The following NOL4 variants were observed in gnomAD, a reference collection of about 807,000 sequenced individuals.
NOL4 encodes the protein cancer/testis antigen 125.
In NOL4, 17 loss-of-function variants were observed where a neutral mutation model predicts 75.9. The ratio of observed to expected loss-of-function variants is 0.22; its 90% CI spans 0.15 to 0.34. The LOEUF (loss-of-function observed/expected upper bound fraction) is 0.34. Ranked by LOEUF, NOL4 falls within the 10% of genes least tolerant of loss-of-function variation. The pLI, the probability that NOL4 is intolerant of heterozygous loss-of-function variation, is 1.00. For missense variants in NOL4, 614 were observed against 793.5 expected, an observed-to-expected ratio of 0.77 and a Z score of 2.72; for synonymous variants, 292 against 289.9, an observed-to-expected ratio of 1.01 and a Z score of -0.07.
intron 9 of NOL4, among the ~76,000 whole-genome samples, chr18:33,915,942 T>C (rs760869230): frequency 2.6e-5 from 4 of 152,108 alleles, no homozygotes; most frequent in Non-Finnish European, 4.4e-5. Flanking sequence ...ATAAAATTTA[T>C]TCCCAAATTG....
At chr18:34,066,226 T>A (rs2077269982) in intron 5 of NOL4, among the ~76,000 whole-genome samples, 1 of 152,002 alleles carries the variant, frequency 6.6e-6, no homozygotes, top group Non-Finnish European at 1.5e-5. Flanking sequence ...CATTTTCTTT[T>A]CTGCAAAGTT....
chr18:34,100,750 C>T lies in NOL4; in HGVS notation c.639+3297G>A, dbSNP rs77769868. ...ACTACCTTGGTAGTATCTTCAGTCTCATGGCTTCACACACTATCTGCCGAT... is the reference window on the plus strand; with the variant it reads ...ACTACCTTGGTAGTATCTTCAGTCTTATGGCTTCACACACTATCTGCCGAT... On this transcript the variant is annotated intron_variant, in intron 4 of 10. Coordinates refer to ENST00000261592, the MANE Select transcript of NOL4 (RefSeq NM_003787.5). 3.6e-4 allele frequency among the ~76,000 whole-genome samples: 55 copies of T among 152,242 alleles called. No individual in the cohort carries two copies. In the East Asian group the frequency reaches 9.1e-3, roughly 25 times the overall value.
intron 5 of NOL4, among the ~76,000 whole-genome samples, chr18:34,034,551 C>A (rs2075794975): frequency 6.6e-6 from 1 of 152,066 alleles, no homozygotes; most frequent in Non-Finnish European, 1.5e-5. Flanking sequence ...CCAGCCTGGC[C>A]AACACAGCAA....
At chr18:34,159,354 G>A (rs2031055505) in intron 1 of NOL4, among the ~76,000 whole-genome samples, 1 of 152,084 alleles carries the variant, frequency 6.6e-6, no homozygotes, top group Non-Finnish European at 1.5e-5. Context: ...GACGTCCCCC[G>A]CCACCAGTAC....
At chr18:34,047,300 C>T (rs1221457612) in intron 5 of NOL4, among the ~76,000 whole-genome samples, 1 of 151,956 alleles carries the variant, frequency 6.6e-6, no homozygotes, top group African/African-American at 2.4e-5. Context: ...CTATATTTAG[C>T]GTAGACTGTA....
intron 5 of NOL4, among the ~76,000 whole-genome samples, chr18:34,031,035 C>A (rs568936495): frequency 2.2e-4 from 33 of 151,930 alleles, no homozygotes; most frequent in African/African-American, 7.7e-4. Context: ...GATAGGGAAT[C>A]ACAAGGGGGC....
At chr18:33,939,064 T>G (rs2068274677) in intron 9 of NOL4, among the ~76,000 whole-genome samples, 1 of 152,164 alleles carries the variant, frequency 6.6e-6, no homozygotes, top group African/African-American at 2.4e-5. Context: ...TTTTGTCAGG[T>G]TTATCAAAGA....
rs1037552638 is a variant in NOL4, at chr18:33,852,569, T to C, written c.*273A>G. 11 of 255,504 alleles carry C rather than the reference T, an allele frequency of 4.3e-5. No individual in the cohort carries two copies. The highest frequency in any genetic ancestry group is 7.4e-5 in the East Asian group (1 of 13,524). 15.8% of individuals were successfully genotyped at this position (255,504 alleles called of 1,614,324 possible). On this transcript the variant is annotated 3_prime_UTR_variant, in exon 11 of 11. Coordinates refer to ENST00000261592, the MANE Select transcript of NOL4 (RefSeq NM_003787.5). ...TTCTGTTTTATCCTTGAATTAAGAA[T>C]AGATAGCCTTTTATGCCCCTGATAT...
At chr18:33,859,409 C>G (rs1167824151) in intron 10 of NOL4, among the ~76,000 whole-genome samples, 1 of 152,038 alleles carries the variant, frequency 6.6e-6, no homozygotes, top group Non-Finnish European at 1.5e-5. Flanking sequence ...CTAGATATAG[C>G]TATTAGATTA....
intron 5 of NOL4, among the ~76,000 whole-genome samples, chr18:34,089,851 T>C (rs918669619): frequency 3.9e-5 from 6 of 152,168 alleles, no homozygotes; most frequent in Non-Finnish European, 8.8e-5. Flanking sequence ...GTGTCAATAG[T>C]GGCAACACTG....
chr18:34,092,939 C>T (rs1043914102), intron 5 of NOL4, among the ~76,000 whole-genome samples: 2 of 152,166 alleles, frequency 1.3e-5, no homozygotes, highest in Non-Finnish European at 2.9e-5. Flanking sequence ...AGATCATGAA[C>T]TTTCTTTCCT....
In NOL4 at chr18:33,958,217, C is replaced by T. The variant is rs188359848; in HGVS notation, c.1236+22G>A. On this transcript the variant is annotated intron_variant, in intron 7 of 10. Coordinates refer to ENST00000261592, the MANE Select transcript of NOL4 (RefSeq NM_003787.5). ...GTGAAGTGGTAAAAATTAAACCACA[C>T]TTGGAGTGTGGCAGGACTCACATTA... is the stretch of plus-strand genomic sequence containing the variant. 552 of 1,601,926 alleles carry T rather than the reference C, an allele frequency of 3.4e-4. No homozygotes were observed. The African/African-American group carries it at 5.0e-3, about 14-fold the overall frequency.
chr18:34,125,678 T>A (rs1156916839), intron 2 of NOL4, among the ~76,000 whole-genome samples: 2 of 152,158 alleles, frequency 1.3e-5, no homozygotes, highest in African/African-American at 4.8e-5. Context: ...GCTGTAGAGA[T>A]TCTACATGAA....
At chr18:34,198,132 T>C (rs1265404172) in intron 1 of NOL4, among the ~76,000 whole-genome samples, 1 of 151,922 alleles carries the variant, frequency 6.6e-6, no homozygotes, top group Non-Finnish European at 1.5e-5. Context: ...TAAAAATACA[T>C]TGCATACAGA....
chr18:34,182,856 G>A (rs892369845), intron 1 of NOL4, among the ~76,000 whole-genome samples: 10 of 151,502 alleles, frequency 6.6e-5, no homozygotes, highest in African/African-American at 1.9e-4. Context: ...TTAGACATTC[G>A]TTTACCAAAA....
intron 5 of NOL4, among the ~76,000 whole-genome samples, chr18:34,070,648 C>G (rs1269165189): frequency 6.6e-6 from 1 of 152,070 alleles, no homozygotes; most frequent in Non-Finnish European, 1.5e-5. Flanking sequence ...AATAAAGACA[C>G]AGCCCATAAA....
At chr18:34,010,833 T>G (rs1051508189) in intron 6 of NOL4, among the ~76,000 whole-genome samples, 1 of 151,944 alleles carries the variant, frequency 6.6e-6, no homozygotes, top group African/African-American at 2.4e-5. Context: ...CATATACCTG[T>G]TAGCCATTTG....
At chr18:34,167,763 C>T (rs905635619) in intron 1 of NOL4, among the ~76,000 whole-genome samples, 1 of 151,940 alleles carries the variant, frequency 6.6e-6, no homozygotes, top group Admixed American at 6.6e-5. Context: ...ATTTCCTATA[C>T]CAGGAACCAT....
intron 10 of NOL4, among the ~76,000 whole-genome samples, chr18:33,872,933 G>GA (rs1246469690): frequency 6.6e-6 from 1 of 151,962 alleles, no homozygotes; most frequent in African/African-American, 2.4e-5. Flanking sequence ...CACACTGGCA[G>GA]AAAAAATTCC....
Sources: gnomAD v4.1 joint callset for allele counts (sites outside exome capture counted in the v4.1 genomes callset) on GRCh38, gnomAD v4.1.1 for gene constraint, MANE v1.5 for transcripts, NCBI Gene and HGNC (gene_info 2026-07-23, HGNC 2026-07-21) for gene names.